Variants in NCOA2 observed in about 807,000 individuals in gnomAD.
NCOA2 encodes the protein class E basic helix-loop-helix protein 75.
A neutral mutation model predicts 145.1 loss-of-function variants in NCOA2; 21 were observed. The ratio of observed to expected loss-of-function variants is 0.14; its 90% CI spans 0.10 to 0.21. The LOEUF (loss-of-function observed/expected upper bound fraction) is 0.21. Ranked by LOEUF, NCOA2 falls within the 10% of genes least tolerant of loss-of-function variation. The pLI is 1.00. For missense variants in NCOA2, 1,472 were observed against 1,837.6 expected (o/e 0.80, Z 3.64); for synonymous variants, 619 against 637.5 (o/e 0.97, Z 0.44).
intron 2 of NCOA2, among the ~76,000 whole-genome samples, chr8:70,238,352 T>G (rs982204458): frequency 6.6e-6 from 1 of 152,188 alleles, no homozygotes; most frequent in Admixed American, 6.5e-5. Flanking sequence ...GTATTATGCA[T>G]GACATTATTT....
chr8:70,261,226 G>C (rs1335374460), intron 2 of NCOA2, among the ~76,000 whole-genome samples: 2 of 152,174 alleles, frequency 1.3e-5, no homozygotes, highest in Non-Finnish European at 2.9e-5. Flanking sequence ...TGATAGATTG[G>C]ATTAAGAAAA....
chr8:70,321,463 A>G (rs1473477128), intron 1 of NCOA2, among the ~76,000 whole-genome samples: 5 of 152,052 alleles, frequency 3.3e-5, no homozygotes, highest in Admixed American at 2.0e-4. Context: ...CCCAGCCAAT[A>G]TTCATAAAAT....
At chr8:70,451,237 A>AAAAATATATAT in the NCOA2 span, among the ~76,000 whole-genome samples, 2 of 69,516 alleles carry the variant, frequency 2.9e-5, no homozygotes, top group African/African-American at 1.5e-4. Context: ...AAAAAAAAAA[A>AAAAATATATAT]ATATATATAT....
At chr8:70,141,885 C>G (rs1360793318) in intron 13 of NCOA2, among the ~76,000 whole-genome samples, 1 of 152,200 alleles carries the variant, frequency 6.6e-6, no homozygotes, top group African/African-American at 2.4e-5. Flanking sequence ...TACTTCAAAA[C>G]TGACCAAGAG....
chr8:70,389,341 C>T lies in NCOA2; in HGVS notation c.-77+14359G>A, dbSNP rs187725591. On this transcript the variant is annotated intron_variant, in intron 1 of 22. Transcript: ENST00000452400. ...TATTGCCCAGACTGGAGTGCAATGG[C>T]ACCATCTCAGCTCACCGCAACCTCC... 2.0e-4 allele frequency among the ~76,000 whole-genome samples: 30 copies of T among 151,630 alleles called. No homozygotes were observed. In the East Asian group the frequency reaches 4.9e-3, roughly 25 times the overall value.
At chr8:70,442,026 G>GAGAA in the NCOA2 span, among the ~76,000 whole-genome samples, 10,917 of 139,728 alleles carry the variant, frequency 0.078, 749 homozygotes, top group African/African-American at 0.19. Flanking sequence ...AAGAAAGAAA[G>GAGAA]AGAAAAGAAA....
intron 4 of NCOA2, among the ~76,000 whole-genome samples, chr8:70,178,762 T>TG (rs1197354549): frequency 6.6e-6 from 1 of 152,124 alleles, no homozygotes; most frequent in East Asian, 1.9e-4. Flanking sequence ...GTAACCGAAT[T>TG]GGATTCTGCA....
At chr8:70,414,344 T>C in the NCOA2 span, among the ~76,000 whole-genome samples, 2 of 152,254 alleles carry the variant, frequency 1.3e-5, no homozygotes, top group Middle Eastern at 3.4e-3. Context: ...TTTGCAGCTG[T>C]TTCTCTCCCT....
chr8:70,431,721 T>A, the NCOA2 span, among the ~76,000 whole-genome samples: 1 of 152,212 alleles, frequency 6.6e-6, no homozygotes, highest in Non-Finnish European at 1.5e-5. Flanking sequence ...GTAAAATACA[T>A]AGCTTAACAT....
chr8:70,152,708 T>C (rs545979769), intron 11 of NCOA2, among the ~76,000 whole-genome samples: 5 of 152,320 alleles, frequency 3.3e-5, no homozygotes, highest in South Asian at 2.1e-4. Context: ...GGAAATGCTG[T>C]AGAAACAAAT....
Position 70,142,179 on chromosome 8 carries a change from C to G in NCOA2, c.2813-780G>C, listed in dbSNP as rs547921705. Reference sequence around the variant, plus strand: ...CAAACATTTGCTAAGACTTGATATTCTAAAGGGAAAACTCTTCAAATGAGG... The same window carrying G: ...CAAACATTTGCTAAGACTTGATATTGTAAAGGGAAAACTCTTCAAATGAGG... On this transcript the variant is annotated intron_variant, in intron 13 of 22. Coordinates refer to ENST00000452400, the MANE Select transcript of NCOA2 (RefSeq NM_006540.4). Among the ~76,000 whole-genome samples the G allele has an allele frequency of 2.4e-4, 36 of 152,254 alleles. 1 individual carries two copies. The highest frequency in any genetic ancestry group is 7.4e-5 in the Non-Finnish European group (5 of 68,010).
chr8:70,261,051 T>A (rs1291367543), intron 2 of NCOA2, among the ~76,000 whole-genome samples: 6 of 152,222 alleles, frequency 3.9e-5, no homozygotes, highest in Non-Finnish European at 7.3e-5. Context: ...TGGCGATTCC[T>A]CAGGGATCTA....
At chr8:70,180,995 T>C (rs1209767281) in intron 4 of NCOA2, among the ~76,000 whole-genome samples, 1 of 152,266 alleles carries the variant, frequency 6.6e-6, no homozygotes, top group African/African-American at 2.4e-5. Context: ...TCAAGTGATG[T>C]TTTAAAAAAA....
At chr8:70,437,757 T>G in the NCOA2 span, among the ~76,000 whole-genome samples, 1 of 152,184 alleles carries the variant, frequency 6.6e-6, no homozygotes, top group Non-Finnish European at 1.5e-5. Flanking sequence ...AATAAATGAA[T>G]GTACAGCAAA....
At chr8:70,433,831 A>T in the NCOA2 span, among the ~76,000 whole-genome samples, 1 of 152,158 alleles carries the variant, frequency 6.6e-6, no homozygotes, top group Non-Finnish European at 1.5e-5. Context: ...AGGGGGCACC[A>T]GGAGGAGAAG....
At chr8:70,289,948 C>T (rs1826534101) in intron 2 of NCOA2, among the ~76,000 whole-genome samples, 1 of 152,140 alleles carries the variant, frequency 6.6e-6, no homozygotes, top group Non-Finnish European at 1.5e-5. Flanking sequence ...ATCCTCCTGC[C>T]TCAAGGCTCC....
intron 2 of NCOA2, among the ~76,000 whole-genome samples, chr8:70,278,838 C>T (rs924321081): frequency 2.0e-5 from 3 of 151,866 alleles, no homozygotes; most frequent in African/African-American, 7.3e-5. Context: ...TGGTGGTGTG[C>T]ACCTGTAATC....
At chr8:70,158,306 A>C (rs936505109) in intron 10 of NCOA2, among the ~76,000 whole-genome samples, 1 of 152,226 alleles carries the variant, frequency 6.6e-6, no homozygotes, top group African/African-American at 2.4e-5. Flanking sequence ...TTTCCACAGC[A>C]TAAGCATAAA....
intron 1 of NCOA2, among the ~76,000 whole-genome samples, chr8:70,376,088 G>A (rs1034885057): frequency 3.3e-5 from 5 of 152,106 alleles, no homozygotes; most frequent in African/African-American, 9.7e-5. Context: ...TCTGAGAGTC[G>A]TTATTCCGTA....
Sources: allele counts gnomAD v4.1 joint callset (sites outside exome capture counted in the v4.1 genomes callset), GRCh38; gene constraint gnomAD v4.1.1; transcripts MANE v1.5; gene names NCBI Gene and HGNC (gene_info 2026-07-23, HGNC 2026-07-21).